SOBP: variants seen among roughly 807,000 people sequenced by gnomAD.
The protein encoded by SOBP is sine oculis binding protein homolog, also known as sine oculis-binding protein homolog.
Under a neutral mutation model 53.6 loss-of-function variants are expected in SOBP, and 4 were observed. That is an observed-to-expected ratio of 0.07 (90% confidence interval 0.04 to 0.17). SOBP has a LOEUF of 0.17. Among genes scored for constraint, SOBP ranks in the 10% least tolerant of loss-of-function variants. The probability of loss-of-function intolerance (pLI) is 1.00; values close to 1 mark genes in which losing one functional copy is unlikely to be tolerated. For missense variants in SOBP, 1,088 were observed against 1,204.7 expected, an observed-to-expected ratio of 0.90 and a Z score of 1.43; for synonymous variants, 584 against 522.6, an observed-to-expected ratio of 1.12 and a Z score of -1.60.
chr6:107,491,236 C>T (rs984926396), intron 1 of SOBP, among the ~76,000 whole-genome samples: 1 of 152,168 alleles, frequency 6.6e-6, no homozygotes, highest in Non-Finnish European at 1.5e-5. Context: ...AGCTGCGGCC[C>T]GAGAGGCGCG....
chr6:107,507,449 C>A (rs2114951329), intron 3 of SOBP, among the ~76,000 whole-genome samples: 1 of 151,892 alleles, frequency 6.6e-6, no homozygotes, highest in African/African-American at 2.4e-5. Flanking sequence ...GGGATTACAG[C>A]TGCTCACCAC....
At chr6:107,544,059 T>A (rs894061801) in intron 4 of SOBP, among the ~76,000 whole-genome samples, 1 of 152,230 alleles carries the variant, frequency 6.6e-6, no homozygotes, top group South Asian at 2.1e-4. Flanking sequence ...TAGGAGAGGC[T>A]GGCCAAGGAC....
intron 4 of SOBP, among the ~76,000 whole-genome samples, chr6:107,553,392 G>A (rs1338602861): frequency 2.0e-5 from 3 of 150,778 alleles, no homozygotes; most frequent in Non-Finnish European, 4.4e-5. Flanking sequence ...GCAGTGGCAC[G>A]ATCTCGGCTC....
chr6:107,552,754 C>A (rs768964897), intron 4 of SOBP, among the ~76,000 whole-genome samples: 72 of 152,070 alleles, frequency 4.7e-4, no homozygotes, highest in Non-Finnish European at 1.0e-3. Context: ...GAGTGGCTGA[C>A]TCTATTTTAA....
At chr6:107,589,842 T>G (rs1785687042) in intron 5 of SOBP, among the ~76,000 whole-genome samples, 1 of 152,238 alleles carries the variant, frequency 6.6e-6, no homozygotes, top group Non-Finnish European at 1.5e-5. Context: ...CTTGCAGGCA[T>G]GCGCACACAC....
intron 5 of SOBP, among the ~76,000 whole-genome samples, chr6:107,600,993 TTAA>T (rs1375290640): frequency 1.3e-5 from 2 of 152,216 alleles, no homozygotes; most frequent in Admixed American, 6.5e-5. Context: ...TAAAATAATC[TTAA>T]TAAAGCCTTT....
chr6:107,505,839 C>T (rs763952528), intron 2 of SOBP, among the ~76,000 whole-genome samples: 16 of 150,292 alleles, frequency 1.1e-4, no homozygotes, highest in African/African-American at 2.0e-4. Context: ...TTAGTAGAGA[C>T]GGGCTTTCAC....
chr6:107,598,758 G>A (rs900124289), intron 5 of SOBP, among the ~76,000 whole-genome samples: 1 of 152,150 alleles, frequency 6.6e-6, no homozygotes, highest in Non-Finnish European at 1.5e-5. Context: ...CTAACAGCTG[G>A]AAAGGCAAGA....
chr6:107,541,591 T>C (rs932295882), intron 4 of SOBP, among the ~76,000 whole-genome samples: 2 of 152,216 alleles, frequency 1.3e-5, no homozygotes, highest in Admixed American at 6.5e-5. Flanking sequence ...AATTTTGAGA[T>C]ATTATGACTG....
chr6:107,493,077 A>C (rs988026007), intron 1 of SOBP, among the ~76,000 whole-genome samples: 1 of 151,954 alleles, frequency 6.6e-6, no homozygotes, highest in African/African-American at 2.4e-5. Flanking sequence ...ACATCAGCAA[A>C]ACCCCTCCCC....
intron 5 of SOBP, among the ~76,000 whole-genome samples, chr6:107,628,979 C>T (rs1419922670): frequency 6.6e-6 from 1 of 152,238 alleles, no homozygotes; most frequent in African/African-American, 2.4e-5. Flanking sequence ...CCTCCATCCT[C>T]CTTTGCTTCA....
intron 5 of SOBP, among the ~76,000 whole-genome samples, chr6:107,597,545 T>G (rs1364231064): frequency 1.3e-5 from 2 of 152,240 alleles, no homozygotes; most frequent in African/African-American, 4.8e-5. Context: ...GAAGTATTTA[T>G]GAGTTTATGG....
chr6:107,526,572 T>A (rs552144327), intron 3 of SOBP, among the ~76,000 whole-genome samples: 16 of 152,266 alleles, frequency 1.1e-4, no homozygotes, highest in African/African-American at 3.8e-4. Context: ...CTCACAACTG[T>A]CTGAACCTCT....
At position 107,508,766 on chromosome 6, in the gene SOBP, C is replaced by T. The variant is rs1050182863; in HGVS notation, c.421+2339C>T. ...TGATTGTTTTGTGATACGGAGGGGT[C>T]CACATTTATTTCCCAAGGACCAAAG... On this transcript the variant is annotated intron_variant, in intron 3 of 6. Transcript: ENST00000317357. 3.3e-5 allele frequency among the ~76,000 whole-genome samples: 5 copies of T among 152,134 alleles called. 1 individual carries two copies. Among genetic ancestry groups the T allele is most frequent in the Admixed American group, 3.3e-4 (5 of 15,272 alleles).
intron 3 of SOBP, 60 bp from the exon 4 acceptor site, chr6:107,533,399 T>C (rs1170839798): frequency 1.3e-6 from 2 of 1,588,332 alleles, no homozygotes; most frequent in East Asian, 4.5e-5. Flanking sequence ...TCAGGGTGTG[T>C]CTAAATTTGA....
intron 5 of SOBP, 125 bp downstream of exon 5, chr6:107,587,300 A>C: frequency 1.3e-6 from 1 of 783,100 alleles, no homozygotes. Context: ...TAGAGTTCTA[A>C]ATGCTAATTC....
chr6:107,573,481 C>T (rs1379196642), intron 4 of SOBP, among the ~76,000 whole-genome samples: 1 of 152,126 alleles, frequency 6.6e-6, no homozygotes, highest in Non-Finnish European at 1.5e-5. Flanking sequence ...TGGATTGTCT[C>T]ATTTAATCCT....
chr6:107,602,409 C>A lies in SOBP; in HGVS notation c.669+15234C>A, dbSNP rs74835440. Among the ~76,000 whole-genome samples the A allele has an allele frequency of 5.8e-3, 881 of 152,188 alleles. 8 individuals carry two copies. Among genetic ancestry groups the A allele is most frequent in the African/African-American group, 0.02 (842 of 41,512 alleles). Reference sequence around the variant, plus strand: ...TGAACTCAAATAGTGACTTGCTTCTCAGCTTCCTTCAATCTCCTGATGAGA... The same window carrying A: ...TGAACTCAAATAGTGACTTGCTTCTAAGCTTCCTTCAATCTCCTGATGAGA... On this transcript the variant is annotated intron_variant, in intron 5 of 6. Coordinates refer to ENST00000317357, the MANE Select transcript of SOBP (RefSeq NM_018013.4).
intron 6 of SOBP, among the ~76,000 whole-genome samples, chr6:107,644,668 G>T (rs1771479520): frequency 6.6e-6 from 1 of 152,184 alleles, no homozygotes; most frequent in African/African-American, 2.4e-5. Flanking sequence ...GGAAAAGAAG[G>T]CTTTAAAAGG....
Sources: gnomAD v4.1 joint callset for allele counts (sites outside exome capture counted in the v4.1 genomes callset) on GRCh38, gnomAD v4.1.1 for gene constraint, MANE v1.5 for transcripts, NCBI Gene and HGNC (gene_info 2026-07-23, HGNC 2026-07-21) for gene names.